Variants in RAP1GAP2 observed in about 807,000 individuals in gnomAD.
RAP1GAP2 encodes rap1 GTPase-activating protein 2.
RAP1GAP2 carries 27 observed loss-of-function variants against 95.0 expected under a neutral mutation model. The ratio of observed to expected loss-of-function variants is 0.28; its 90% confidence interval spans 0.21 to 0.39. The LOEUF (loss-of-function observed/expected upper bound fraction) is 0.39, where lower values mean the gene tolerates loss of function less well. Ranked by LOEUF, RAP1GAP2 falls within the 10% of genes least tolerant of loss-of-function variation. The probability of loss-of-function intolerance (pLI) is 1.00; values close to 1 mark genes in which losing one functional copy is unlikely to be tolerated. For missense variants in RAP1GAP2, 771 were observed against 970.0 expected (o/e 0.79, Z 2.72); for synonymous variants, 373 against 380.9 (o/e 0.98, Z 0.24).
chr17:2,835,660 G>A (rs967073516), intron 2 of RAP1GAP2, among the ~76,000 whole-genome samples: 7 of 152,224 alleles, frequency 4.6e-5, no homozygotes. Context: ...AGGAGTTTGA[G>A]GCTGCAGTGA....
chr17:2,964,252 TG>T (rs1343548970), intron 7 of RAP1GAP2, among the ~76,000 whole-genome samples, 184 bp downstream of exon 7: 1 of 71,970 alleles, frequency 1.4e-5, no homozygotes, highest in Non-Finnish European at 2.7e-5. Context: ...CTGCCGGGGA[TG>T]GGGGTGAGGC....
In RAP1GAP2 at chr17:3,026,396, TC is replaced by T. The variant is rs957256693; in HGVS notation, c.1914del (p.Ser639ProfsTer59). 4 of 1,552,416 alleles carry T rather than the reference TC, an allele frequency of 2.6e-6. No homozygotes were observed. The African/African-American group carries it at 5.5e-5, about 21-fold the overall frequency. ...AAACGGCCGTGCCATCTCCCGCTCCTCCTCCAGCACCAGCAGCGTCAGCAGC... is the reference window on the plus strand; with the variant it reads ...AAACGGCCGTGCCATCTCCCGCTCCTCTCCAGCACCAGCAGCGTCAGCAGC... ...KENGRAISRSSSSTSSVSSTA... is the reference protein window; with the variant it reads ...KENGRAISRSXSSTSSVSSTA... On this transcript the variant is annotated frameshift_variant, in exon 21 of 25. Coordinates refer to ENST00000254695, the MANE Select transcript of RAP1GAP2 (RefSeq NM_015085.5). LOFTEE classifies it high-confidence loss of function.
chr17:2,853,935 C>G (rs928346310), intron 2 of RAP1GAP2: 27 of 981,396 alleles, frequency 2.8e-5, no homozygotes, highest in Admixed American at 1.3e-4. Context: ...GTGCGGAGCG[C>G]GCGGAGCCGG....
chr17:3,026,610 G>T, intron 21 of RAP1GAP2, 146 bp downstream of exon 21: 1 of 775,344 alleles, frequency 1.3e-6, no homozygotes, highest in Non-Finnish European at 2.0e-6. Flanking sequence ...TGGGCTCGTT[G>T]GCCATCACCA....
chr17:2,986,454 T>C (rs1462270587), intron 11 of RAP1GAP2, among the ~76,000 whole-genome samples: 2 of 152,202 alleles, frequency 1.3e-5, no homozygotes, highest in Non-Finnish European at 2.9e-5. Flanking sequence ...TTATAATTAC[T>C]GAACATGAGC....
rs551298674 is a variant in RAP1GAP2 at position 2,938,805 on chromosome 17, C to T, written c.166-18954C>T. Among the ~76,000 whole-genome samples, 36 of 151,998 alleles carry T rather than the reference C, an allele frequency of 2.4e-4. 1 individual carries two copies. The highest frequency in any genetic ancestry group is 1.8e-3 in the Admixed American group (28 of 15,262). ...AGTTTGAGATCAGCCTGGCCAACGT[C>T]GCAAAACCCCATCTCTACTAAAAAT... On this transcript the variant is annotated intron_variant, in intron 3 of 24. Coordinates refer to ENST00000254695, the MANE Select transcript of RAP1GAP2 (RefSeq NM_015085.5).
At chr17:2,892,838 A>C (rs1454070053) in intron 2 of RAP1GAP2, among the ~76,000 whole-genome samples, 1 of 152,148 alleles carries the variant, frequency 6.6e-6, no homozygotes. Context: ...AGCCATCAGC[A>C]CCAAGAGATG....
chr17:2,859,939 T>G (rs8072093), intron 2 of RAP1GAP2, among the ~76,000 whole-genome samples: 27,898 of 151,784 alleles, frequency 0.18, 3,111 homozygotes, highest in African/African-American at 0.31. Context: ...GTTTGTTTTT[T>G]TTTTTTGGCA....
At chr17:2,849,587 C>T (rs58909367) in intron 2 of RAP1GAP2, among the ~76,000 whole-genome samples, 39,767 of 152,108 alleles carry the variant, frequency 0.26, 5,561 homozygotes, top group African/African-American at 0.36. Context: ...CGCTGTCTCC[C>T]GCCCCAGGCC....
At position 2,855,190 on chromosome 17, in the gene RAP1GAP2, G is replaced by A. The variant is rs777462801; in HGVS notation, c.81-50094G>A. Among the ~76,000 whole-genome samples the A allele has an allele frequency of 1.3e-5, 2 of 152,150 alleles. No homozygotes were observed. Among genetic ancestry groups the A allele is most frequent in the African/African-American group, 2.4e-5 (1 of 41,410 alleles). ...TCCTCTCGTCCCCCCTTCCTATAAT[G>A]TGTGTAACAAGATGTTGCCCGCTGC... On this transcript the variant is annotated intron_variant, in intron 2 of 24. Transcript: ENST00000254695. The surrounding 1 kb of genome is among the most constrained non-coding windows in gnomAD (Gnocchi z 4.3).
rs1238183813 is a variant in RAP1GAP2, at chr17:3,003,974, C to T, written c.1201-1395C>T. Among the ~76,000 whole-genome samples the T allele has an allele frequency of 1.3e-5, 2 of 151,788 alleles. No homozygotes were observed. The highest frequency in any genetic ancestry group is 2.4e-5 in the African/African-American group (1 of 41,278). On this transcript the variant is annotated intron_variant, in intron 14 of 24. Transcript: ENST00000254695. This position sits in a 1 kb window ranked among gnomAD's most constrained non-coding sequence, Gnocchi z 4.1. Reference sequence around the variant, plus strand: ...ATGTGTCTGAAGCCACTTACACGGTCGGCACAGACCACTCTAATGCAGGCT... The same window carrying T: ...ATGTGTCTGAAGCCACTTACACGGTTGGCACAGACCACTCTAATGCAGGCT...
intron 2 of RAP1GAP2, among the ~76,000 whole-genome samples, chr17:2,899,148 T>G (rs1347482531): frequency 6.6e-6 from 1 of 152,202 alleles, no homozygotes; most frequent in Non-Finnish European, 1.5e-5. Flanking sequence ...AGTTCTTCAT[T>G]CCTTTTCTTT....
At chr17:2,899,414 T>G (rs527631468) in intron 2 of RAP1GAP2, among the ~76,000 whole-genome samples, 227 of 152,230 alleles carry the variant, frequency 1.5e-3, no homozygotes, top group African/African-American at 5.2e-3. Context: ...GGTTTCACCA[T>G]GTTAGCCAGG....
intron 2 of RAP1GAP2, among the ~76,000 whole-genome samples, chr17:2,882,730 C>T (rs570759544): frequency 1.3e-5 from 2 of 152,192 alleles, no homozygotes; most frequent in African/African-American, 2.4e-5. Context: ...GGCTGGGATG[C>T]GGGTGCCGTT....
chr17:2,951,771 C>T (rs931821428), intron 3 of RAP1GAP2, among the ~76,000 whole-genome samples: 5 of 152,034 alleles, frequency 3.3e-5, no homozygotes, highest in South Asian at 4.1e-4. Context: ...CAGTGGCTCA[C>T]GCCTGTAATC....
chr17:2,758,955 G>A (rs1200928730), intron 1 of RAP1GAP2, among the ~76,000 whole-genome samples: 3 of 151,950 alleles, frequency 2.0e-5, no homozygotes, highest in Non-Finnish European at 4.4e-5. Flanking sequence ...CCATGTAGCT[G>A]GGGCCATAGT....
At chr17:3,024,435 A>G (rs1343385332) in intron 19 of RAP1GAP2, among the ~76,000 whole-genome samples, 1 of 152,248 alleles carries the variant, frequency 6.6e-6, no homozygotes, top group Non-Finnish European at 1.5e-5. Context: ...ACCCTTGTTC[A>G]TTGCTGGTGG....
At chr17:2,933,963 T>C (rs536547366) in intron 3 of RAP1GAP2, among the ~76,000 whole-genome samples, 16 of 152,226 alleles carry the variant, frequency 1.1e-4, no homozygotes, top group Admixed American at 9.2e-4. Flanking sequence ...CCCAGTTGTT[T>C]CTTGGAAAAA....
At chr17:2,890,243 C>CATTT (rs1346351915) in intron 2 of RAP1GAP2, among the ~76,000 whole-genome samples, 1 of 152,090 alleles carries the variant, frequency 6.6e-6, no homozygotes, top group African/African-American at 2.4e-5. Context: ...CAGCTTCATG[C>CATTT]ATTTGTCTTT....
Sources: gnomAD v4.1 joint callset for allele counts (sites outside exome capture counted in the v4.1 genomes callset) on GRCh38, gnomAD v4.1.1 for gene constraint, Gnocchi (gnomAD v3.1) non-coding constraint, MANE v1.5 for transcripts, NCBI Gene and HGNC (gene_info 2026-07-23, HGNC 2026-07-21) for gene names.